Variants in PTPRD observed in about 807,000 individuals in gnomAD.
PTPRD encodes receptor-type tyrosine-protein phosphatase delta.
In PTPRD, 34 loss-of-function variants were observed where a neutral mutation model predicts 214.5. The observed-to-expected ratio is 0.16, with a 90% CI of 0.12 to 0.21. The LOEUF is 0.21. Ranked by LOEUF, PTPRD falls within the 10% of genes least tolerant of loss-of-function variation. The pLI is 1.00. For synonymous variants in PTPRD, 1,128 were observed against 845.7 expected, an observed-to-expected ratio of 1.33 and a Z score of -5.79; for missense variants, 2,545 against 2,398.7, an observed-to-expected ratio of 1.06 and a Z score of -1.27.
chr9:9,877,357 G>A (rs532515721), intron 5 of PTPRD, among the ~76,000 whole-genome samples: 1 of 152,220 alleles, frequency 6.6e-6, no homozygotes, highest in African/African-American at 2.4e-5. Flanking sequence ...GGATAAGGGA[G>A]GAAGATTTGA....
chr9:10,521,900 T>C (rs1189132769), intron 2 of PTPRD, among the ~76,000 whole-genome samples: 2 of 152,154 alleles, frequency 1.3e-5, no homozygotes, highest in African/African-American at 2.4e-5. Flanking sequence ...CCAAAAAATA[T>C]GTACAATGTG....
intron 9 of PTPRD, among the ~76,000 whole-genome samples, chr9:9,293,384 T>C (rs1168312478): frequency 2.1e-5 from 3 of 140,490 alleles, no homozygotes; most frequent in African/African-American, 7.5e-5. Context: ...CATTGTTTGT[T>C]TGTTCTTTTT....
chr9:9,896,871 C>G (rs558876070), intron 5 of PTPRD, among the ~76,000 whole-genome samples: 2 of 152,026 alleles, frequency 1.3e-5, no homozygotes, highest in Admixed American at 1.3e-4. Context: ...AAATCATTAA[C>G]TGGAGATCCA....
chr9:9,925,620 A>C (rs4741001), intron 5 of PTPRD, among the ~76,000 whole-genome samples: 43,070 of 151,754 alleles, frequency 0.28, 11,697 homozygotes, highest in African/African-American at 0.7. Flanking sequence ...CAGATGACAA[A>C]ATTTTTTAAA....
chr9:9,600,435 C>A (rs1050374725), intron 7 of PTPRD, among the ~76,000 whole-genome samples: 1 of 152,006 alleles, frequency 6.6e-6, no homozygotes, highest in African/African-American at 2.4e-5. Context: ...TTGTATTAGC[C>A]CCCGTTTTAA....
At chr9:10,121,710 C>T (rs1591686333) in intron 3 of PTPRD, among the ~76,000 whole-genome samples, 1 of 152,164 alleles carries the variant, frequency 6.6e-6, no homozygotes, top group Admixed American at 6.6e-5. Context: ...TGTCTTACAT[C>T]ATTTGATAAG....
rs769015605 is a variant in PTPRD at position 8,499,682 on chromosome 9, G to A, written c.2287C>T (p.Pro763Ser). 6 of 1,613,686 alleles carry A rather than the reference G, an allele frequency of 3.7e-6. No individual in the cohort carries two copies. Among genetic ancestry groups the A allele is most frequent in the Non-Finnish European group, 4.2e-6 (5 of 1,179,862 alleles). ...GCCAGCATGACATCTTTCAGCATGG[G>A]CTGGCCCTTGGGCTCACCATTTTCC... ...RMENGEPKGQ[P>S]MLKDVMLADA... The change falls in exon 25 of 46, where the codon CCC becomes TCC. Residue 763 changes from proline to serine, a missense_variant. Pro to Ser is a moderately conservative substitution (Grantham distance 74). Transcript: ENST00000381196.
intron 5 of PTPRD, among the ~76,000 whole-genome samples, chr9:9,927,674 T>C (rs1300696664): frequency 6.6e-6 from 1 of 152,136 alleles, no homozygotes; most frequent in Non-Finnish European, 1.5e-5. Context: ...GATGGATAAA[T>C]TACAAGTATA....
intron 11 of PTPRD, among the ~76,000 whole-genome samples, chr9:9,016,211 T>G (rs1481526932): frequency 1.3e-5 from 2 of 152,120 alleles, no homozygotes; most frequent in Non-Finnish European, 2.9e-5. Flanking sequence ...TCTTTTATAT[T>G]AGATGTTTTC....
chr9:10,256,770 T>G (rs940589584), intron 3 of PTPRD, among the ~76,000 whole-genome samples: 1 of 152,148 alleles, frequency 6.6e-6, no homozygotes, highest in African/African-American at 2.4e-5. Flanking sequence ...TCATCATGTG[T>G]CTTTTGAAAA....
intron 8 of PTPRD, among the ~76,000 whole-genome samples, chr9:9,433,414 G>C (rs576537054): frequency 7.2e-5 from 11 of 152,246 alleles, no homozygotes; most frequent in Non-Finnish European, 1.6e-4. Context: ...TATACTTAAA[G>C]TGGCTTTATT....
intron 10 of PTPRD, among the ~76,000 whole-genome samples, chr9:9,049,043 T>C (rs182810581): frequency 1.3e-4 from 20 of 152,316 alleles, no homozygotes; most frequent in South Asian, 2.1e-4. Flanking sequence ...AGGCCAGCAC[T>C]TGCCATCCCT....
intron 14 of PTPRD, among the ~76,000 whole-genome samples, chr9:8,609,489 A>G (rs1224136413): frequency 6.6e-6 from 1 of 152,218 alleles, no homozygotes; most frequent in Non-Finnish European, 1.5e-5. Context: ...TTAATATGTG[A>G]CAAGTATGTA....
intron 11 of PTPRD, among the ~76,000 whole-genome samples, chr9:8,742,012 CA>C (rs1688333689): frequency 1.3e-5 from 2 of 152,068 alleles, no homozygotes; most frequent in African/African-American, 4.8e-5. Flanking sequence ...GGAGTATCAC[CA>C]TAAGCCTAAT....
intron 12 of PTPRD, among the ~76,000 whole-genome samples, chr9:8,668,193 T>C (rs2097207225): frequency 6.6e-6 from 1 of 152,126 alleles, no homozygotes; most frequent in South Asian, 2.1e-4. Flanking sequence ...AAGAACAGTG[T>C]CATGCTACCT....
intron 8 of PTPRD, among the ~76,000 whole-genome samples, chr9:9,402,283 G>C (rs1019370690): frequency 3.9e-5 from 6 of 152,074 alleles, no homozygotes; most frequent in African/African-American, 1.4e-4. Context: ...AGTGATATTT[G>C]GATGTTCCCT....
intron 31 of PTPRD, among the ~76,000 whole-genome samples, chr9:8,469,658 TCAC>T (rs1565063694): frequency 6.6e-6 from 1 of 152,060 alleles, no homozygotes; most frequent in East Asian, 1.9e-4. Flanking sequence ...TTTTGTTCCT[TCAC>T]CATCAAAACA....
At chr9:9,877,793 G>C (rs1466881538) in intron 5 of PTPRD, among the ~76,000 whole-genome samples, 2 of 151,886 alleles carry the variant, frequency 1.3e-5, no homozygotes, top group Non-Finnish European at 2.9e-5. Flanking sequence ...TGACTAACGA[G>C]GAGAAACCTG....
At chr9:10,504,655 C>T (rs1260629129) in intron 2 of PTPRD, among the ~76,000 whole-genome samples, 1 of 152,088 alleles carries the variant, frequency 6.6e-6, no homozygotes, top group Non-Finnish European at 1.5e-5. Context: ...GTAAACAGGA[C>T]ACTTCCTTTT....
Sources: allele counts gnomAD v4.1 joint callset (sites outside exome capture counted in the v4.1 genomes callset), GRCh38; gene constraint gnomAD v4.1.1; transcripts MANE v1.5; gene names NCBI Gene and HGNC (gene_info 2026-07-23, HGNC 2026-07-21).